The following LRFN2 variants were observed in gnomAD, a reference collection of about 807,000 sequenced individuals.
The protein encoded by LRFN2 is leucine rich repeat and fibronectin type III domain containing 2, also known as leucine-rich repeat and fibronectin type-III domain-containing protein 2.
Under a neutral mutation model 37.3 loss-of-function variants are expected in LRFN2, and 18 were observed. The ratio of observed to expected loss-of-function variants is 0.48; its 90% confidence interval spans 0.33 to 0.72. The LOEUF is 0.72. Among genes scored for constraint, LRFN2 ranks in the 30% least tolerant of loss-of-function variants. The probability of loss-of-function intolerance (pLI) is 0.02; values close to 1 mark genes in which losing one functional copy is unlikely to be tolerated. For synonymous variants in LRFN2, 556 were observed against 466.6 expected (o/e 1.19, Z -2.47); for missense variants, 1,006 against 1,060.7 (o/e 0.95, Z 0.72).
At position 40,548,440 on chromosome 6, in the gene LRFN2, C is replaced by CAAAAAAAAAAAAAAA. The variant is rs67639435; in HGVS notation, c.-19+38500_-19+38501insTTTTTTTTTTTTTTT. On this transcript the variant is annotated intron_variant, in intron 1 of 2. Coordinates refer to ENST00000338305, the MANE Select transcript of LRFN2 (RefSeq NM_020737.3). ...TGGGTGACACAACGAGACTCCATCT[C>CAAAAAAAAAAAAAAA]AAAAAAAAAATGAAAAAAGAAAAAT... 2.3e-3 allele frequency among the ~76,000 whole-genome samples: 331 copies of CAAAAAAAAAAAAAAA among 142,640 alleles called. 9 individuals are homozygous for CAAAAAAAAAAAAAAA. The highest frequency in any genetic ancestry group is 3.4e-3 in the Non-Finnish European group (217 of 64,432). The allele number at this position is 142,640 out of a possible 152,430, so 93.6% of individuals were successfully genotyped here.
At position 40,562,835 on chromosome 6, in the gene LRFN2, TCACACACACACACA is replaced by T. The variant is rs773357501; in HGVS notation, c.-19+24092_-19+24105del. On this transcript the variant is annotated intron_variant, in intron 1 of 2. Transcript: ENST00000338305. Reference sequence around the variant, plus strand: ...AGCGTGCTTATGTGCGTGCACTCACTCACACACACACACACACACACACACACACACACACTCTA... The same window carrying T: ...AGCGTGCTTATGTGCGTGCACTCACTCACACACACACACACACACACTCTA... 7.2e-5 allele frequency among the ~76,000 whole-genome samples: 9 copies of T among 125,704 alleles called. No homozygotes were observed. In the South Asian group the frequency reaches 2.1e-3, roughly 29 times the overall value. The allele number at this position is 125,704 out of a possible 152,430, so 82.5% of individuals were successfully genotyped here. A position where few individuals can be genotyped will look rare whatever the true frequency, so the allele number is the denominator to read the frequency against.
At chr6:40,518,086 T>C (rs1765936957) in intron 1 of LRFN2, among the ~76,000 whole-genome samples, 1 of 152,144 alleles carries the variant, frequency 6.6e-6, no homozygotes, top group African/African-American at 2.4e-5. Flanking sequence ...TGGTCTCTAA[T>C]TTGCTGTGTG....
intron 1 of LRFN2, among the ~76,000 whole-genome samples, chr6:40,503,925 A>G (rs906661002): frequency 2.6e-5 from 4 of 152,082 alleles, no homozygotes; most frequent in Admixed American, 2.6e-4. Context: ...GTGAAGGCCC[A>G]TTCAGAAAGG....
chr6:40,585,345 T>C (rs1767481569), intron 1 of LRFN2, among the ~76,000 whole-genome samples: 1 of 151,806 alleles, frequency 6.6e-6, no homozygotes, highest in Non-Finnish European at 1.5e-5. Flanking sequence ...CCAGCCAGAG[T>C]CAGAAGGGAA....
At chr6:40,434,936 A>G (rs1247511980) in intron 1 of LRFN2, among the ~76,000 whole-genome samples, 1 of 149,264 alleles carries the variant, frequency 6.7e-6, no homozygotes, top group African/African-American at 2.5e-5. Context: ...GCAGTGAAAC[A>G]CTAAATTAAT....
chr6:40,508,097 C>T (rs748529322), intron 1 of LRFN2, among the ~76,000 whole-genome samples: 9 of 152,216 alleles, frequency 5.9e-5, no homozygotes, highest in Non-Finnish European at 1.2e-4. Flanking sequence ...TGTTCCTTCA[C>T]CAGCCGTCAC....
chr6:40,529,481 T>G (rs1410759086), intron 1 of LRFN2, among the ~76,000 whole-genome samples: 4 of 152,218 alleles, frequency 2.6e-5, no homozygotes, highest in African/African-American at 9.6e-5. Context: ...GAAAAGTAAC[T>G]CATCTTAATA....
In LRFN2 at chr6:40,453,554, A is replaced by ACACACACC. The variant is rs537437565; in HGVS notation, c.-18-20424_-18-20423insGGTGTGTG. Reference sequence around the variant, plus strand: ...CACACACACACACACACACACACACACCTCCCTTTGAGTTGACTTTGCAAA... The same window carrying ACACACACC: ...CACACACACACACACACACACACACACACACACCCCTCCCTTTGAGTTGACTTTGCAAA... On this transcript the variant is annotated intron_variant, in intron 1 of 2. Coordinates refer to ENST00000338305, the MANE Select transcript of LRFN2 (RefSeq NM_020737.3). Among the ~76,000 whole-genome samples, 101 of 128,420 alleles carry ACACACACC rather than the reference A, an allele frequency of 7.9e-4. 7 individuals carry two copies. Among genetic ancestry groups the ACACACACC allele is most frequent in the South Asian group, 3.7e-3 (15 of 4,022 alleles). The allele number at this position is 128,420 out of a possible 152,430, so 84.2% of individuals were successfully genotyped here. A position where few individuals can be genotyped will look rare whatever the true frequency, so the allele number is the denominator to read the frequency against.
intron 1 of LRFN2, among the ~76,000 whole-genome samples, chr6:40,492,129 G>T (rs1247670458): frequency 6.6e-6 from 1 of 152,230 alleles, no homozygotes; most frequent in Non-Finnish European, 1.5e-5. Flanking sequence ...GGGACCCTGT[G>T]GTCTAAGGTA....
chr6:40,439,818 A>G (rs1037093377), intron 1 of LRFN2, among the ~76,000 whole-genome samples: 1 of 152,190 alleles, frequency 6.6e-6, no homozygotes, highest in Non-Finnish European at 1.5e-5. Flanking sequence ...CCTGATCCAG[A>G]GAGATCCCAC....
chr6:40,536,874 C>T (rs1319190301), intron 1 of LRFN2, among the ~76,000 whole-genome samples: 3 of 152,234 alleles, frequency 2.0e-5, no homozygotes, highest in Non-Finnish European at 2.9e-5. Flanking sequence ...GCAGTCACCA[C>T]TCTTCATCTA....
chr6:40,433,672 G>A (rs1763573100), intron 1 of LRFN2, among the ~76,000 whole-genome samples: 1 of 152,206 alleles, frequency 6.6e-6, no homozygotes. Flanking sequence ...AATTGAACCA[G>A]CATTCCTTAA....
At chr6:40,393,258 G>T (rs1251148967) in intron 2 of LRFN2, among the ~76,000 whole-genome samples, 1 of 152,022 alleles carries the variant, frequency 6.6e-6, no homozygotes, top group African/African-American at 2.4e-5. Flanking sequence ...AAAGGAAGGT[G>T]AGAGAGGGAG....
intron 2 of LRFN2, among the ~76,000 whole-genome samples, chr6:40,421,917 C>T (rs1256279468): frequency 3.3e-5 from 5 of 152,190 alleles, no homozygotes; most frequent in Admixed American, 1.3e-4. Flanking sequence ...TCATCTCTTT[C>T]CAATGTTACA....
At chr6:40,428,855 C>T (rs1763414141) in intron 2 of LRFN2, among the ~76,000 whole-genome samples, 1 of 152,140 alleles carries the variant, frequency 6.6e-6, no homozygotes, top group Admixed American at 6.5e-5. Context: ...GGAAATTTGT[C>T]TTCTTAAAGA....
intron 1 of LRFN2, among the ~76,000 whole-genome samples, chr6:40,479,201 A>G (rs1436665846): frequency 6.6e-6 from 1 of 152,248 alleles, no homozygotes; most frequent in Non-Finnish European, 1.5e-5. Context: ...GCACTCAATA[A>G]GTTACAGCTA....
chr6:40,464,143 C>A (rs1055783539), intron 1 of LRFN2, among the ~76,000 whole-genome samples: 1 of 152,196 alleles, frequency 6.6e-6, no homozygotes, highest in African/African-American at 2.4e-5. Context: ...ATAATGATTT[C>A]ATATGGGTCT....
rs1424446341 is a variant in LRFN2 at position 40,432,406 on chromosome 6, G to T, written c.708C>A (p.Ser236=). 4 of 1,614,172 alleles carry T rather than the reference G, an allele frequency of 2.5e-6. No individual in the cohort carries two copies. The highest frequency in any genetic ancestry group is 3.4e-6 in the Non-Finnish European group (4 of 1,180,042). The change falls in exon 2 of 3, where the codon TCC becomes TCA. Residue 236 remains serine, a synonymous_variant. Coordinates refer to ENST00000338305, the MANE Select transcript of LRFN2 (RefSeq NM_020737.3). ...LTATPFAPPL[S]FSFGGNPLHC... ...GAAGTGGGTTACCCCCAAAACTAAA[G>T]GACAAGGGTGGGGCAAAGGGTGTGG...
At chr6:40,430,489 A>G (rs1763453184) in intron 2 of LRFN2, among the ~76,000 whole-genome samples, 2 of 152,212 alleles carry the variant, frequency 1.3e-5, no homozygotes, top group Non-Finnish European at 2.9e-5. Context: ...AAACACACAG[A>G]ATTTCAAAGG....
Sources: allele counts gnomAD v4.1 joint callset (sites outside exome capture counted in the v4.1 genomes callset), GRCh38; gene constraint gnomAD v4.1.1; transcripts MANE v1.5; gene names NCBI Gene and HGNC (gene_info 2026-07-23, HGNC 2026-07-21).